The following ORC2 variants were observed in gnomAD, a reference collection of about 807,000 sequenced individuals.
The protein encoded by ORC2 is origin recognition complex protein 2 homolog.
Under a neutral mutation model 77.7 loss-of-function variants are expected in ORC2, and 37 were observed. That is an observed-to-expected ratio of 0.48 (90% CI 0.37 to 0.63). The LOEUF (loss-of-function observed/expected upper bound fraction) is 0.63, where lower values mean the gene tolerates loss of function less well. Ranked by LOEUF, ORC2 falls within the 20% of genes least tolerant of loss-of-function variation. The probability of loss-of-function intolerance (pLI) is 0.00; values close to 1 mark genes in which losing one functional copy is unlikely to be tolerated. For missense variants in ORC2, 557 were observed against 661.9 expected (o/e 0.84, Z 1.74); for synonymous variants, 201 against 229.5 (o/e 0.88, Z 1.12).
chr2:200,956,275 G>A (rs1400480411), intron 4 of ORC2, among the ~76,000 whole-genome samples: 1 of 151,898 alleles, frequency 6.6e-6, no homozygotes, highest in Admixed American at 6.6e-5. Flanking sequence ...TGTTGCCCAG[G>A]CTGGAGTGTA....
intron 11 of ORC2, among the ~76,000 whole-genome samples, chr2:200,930,792 G>C (rs2040926170): frequency 6.6e-6 from 1 of 151,962 alleles, no homozygotes; most frequent in African/African-American, 2.4e-5. Flanking sequence ...ATTCTTCTAG[G>C]TGTTTTAATG....
chr2:200,940,805 A>T (rs1280269183), intron 7 of ORC2, among the ~76,000 whole-genome samples: 1 of 143,890 alleles, frequency 6.9e-6, no homozygotes, highest in South Asian at 2.1e-4. Context: ...CCGTCTCAAA[A>T]ACAAACAAAC....
At chr2:200,923,191 A>C (rs954991577) in intron 13 of ORC2, among the ~76,000 whole-genome samples, 2 of 152,212 alleles carry the variant, frequency 1.3e-5, no homozygotes, top group African/African-American at 4.8e-5. Flanking sequence ...ATACAGGGTT[A>C]GGTTCAATAT....
Position 200,949,611 on chromosome 2 carries a change from C to T in ORC2, c.271G>A (p.Gly91Arg), listed in dbSNP as rs766020970. The T allele has an allele frequency of 2.5e-6, 4 of 1,602,416 alleles. No individual in the cohort carries two copies. Among genetic ancestry groups the T allele is most frequent in the East Asian group, 2.2e-5 (1 of 44,582 alleles). ...TTCTGAAAAGAATAAACTTTATTTCCACCACCTGTAGCAGAGCCATTTTTC... is the reference window on the plus strand; with the variant it reads ...TTCTGAAAAGAATAAACTTTATTTCTACCACCTGTAGCAGAGCCATTTTTC... ...SLKNGSATGG[G>R]NKVYSFQNRK... Residue 91 changes from glycine (G) to arginine (R), a missense_variant, in exon 5 of 18, where the codon GGA becomes AGA. By Grantham distance (125) the Gly-to-Arg change is moderately radical (BLOSUM62 -2). Transcript: ENST00000234296.
chr2:200,956,129 C>A (rs544148961), intron 4 of ORC2, among the ~76,000 whole-genome samples: 25 of 152,320 alleles, frequency 1.6e-4, no homozygotes, highest in African/African-American at 6.0e-4. Flanking sequence ...TATAGTGATG[C>A]AATCACAGCT....
At chr2:200,914,160 A>C (rs62189337) in intron 15 of ORC2, among the ~76,000 whole-genome samples, 168 bp from the exon 16 acceptor site, 1 of 150,956 alleles carries the variant, frequency 6.6e-6, no homozygotes, top group African/African-American at 2.4e-5. Context: ...AAAGCTTTCT[A>C]ATTTCTTTTT....
In ORC2 at chr2:200,963,651, G is replaced by C. The variant is rs1372849554; in HGVS notation, c.-221C>G. ...GGGAGGTAAGGAGCACCGGAGGCCA[G>C]CTGGGGGATGGGAAGCCTGCGTGCG... is the stretch of plus-strand genomic sequence containing the variant. On this transcript the variant is annotated 5_prime_UTR_variant, in exon 1 of 18. Coordinates refer to ENST00000234296, the MANE Select transcript of ORC2 (RefSeq NM_006190.5). The C allele has an allele frequency of 2.5e-6, 1 of 398,298 alleles. No homozygotes were observed. The highest frequency in any genetic ancestry group is 4.4e-6 in the Non-Finnish European group (1 of 226,002). 24.7% of individuals were successfully genotyped at this position (398,298 alleles called of 1,614,324 possible).
intron 11 of ORC2, among the ~76,000 whole-genome samples, chr2:200,927,843 C>T (rs977126491): frequency 6.6e-6 from 1 of 150,964 alleles, no homozygotes; most frequent in African/African-American, 2.4e-5. Context: ...ATTACAGGCG[C>T]CCGCCACCAT....
At chr2:200,945,331 G>A (rs913307915) in intron 5 of ORC2, among the ~76,000 whole-genome samples, 11 of 152,164 alleles carry the variant, frequency 7.2e-5, no homozygotes. Flanking sequence ...CGAGGTGGGT[G>A]GATCACTTGA....
At chr2:200,945,885 C>T (rs970266547) in intron 5 of ORC2, among the ~76,000 whole-genome samples, 3 of 152,098 alleles carry the variant, frequency 2.0e-5, no homozygotes, top group African/African-American at 4.8e-5. Flanking sequence ...GATATCTCTT[C>T]GACATACTCA....
At chr2:200,914,126 T>C (rs1259118914) in intron 15 of ORC2, 134 bp from the exon 16 acceptor site, 1 of 583,572 alleles carries the variant, frequency 1.7e-6, no homozygotes, top group Non-Finnish European at 3.0e-6. Flanking sequence ...CCAAGGAATA[T>C]CATATCCTTG....
rs529117492 is a variant in ORC2, at chr2:200,920,239, G to C, written c.1449C>G (p.Ser483Arg). Reference sequence around the variant, plus strand: ...ATCCTTACCTTGCATTAGGGGTAAGGCTTCGTAAGACATGAGTAAGGGAGC... The same window carrying C: ...ATCCTTACCTTGCATTAGGGGTAAGCCTTCGTAAGACATGAGTAAGGGAGC... ...PLSSLTHVLR[S>R]LTPNARGIFR... Residue 483 changes from serine to arginine, a missense_variant, in exon 15 of 18, where the codon AGC (serine) becomes AGG (arginine). Physicochemically the swap from Ser to Arg is moderately radical, Grantham distance 110. Coordinates refer to ENST00000234296, the MANE Select transcript of ORC2 (RefSeq NM_006190.5). 12 of 1,612,550 alleles carry C rather than the reference G, an allele frequency of 7.4e-6. No individual in the cohort carries two copies. Among genetic ancestry groups the C allele is most frequent in the South Asian group, 2.2e-5 (2 of 90,962 alleles).
At chr2:200,954,490 CTATT>C (rs1385697242) in intron 4 of ORC2, among the ~76,000 whole-genome samples, 1 of 152,102 alleles carries the variant, frequency 6.6e-6, no homozygotes, top group Non-Finnish European at 1.5e-5. Flanking sequence ...TGCAAAAAGT[CTATT>C]TATAAACGTA....
chr2:200,952,141 ATC>A (rs1414685767), intron 4 of ORC2, among the ~76,000 whole-genome samples: 1 of 152,126 alleles, frequency 6.6e-6, no homozygotes, highest in Non-Finnish European at 1.5e-5. Context: ...TCTACAGTAT[ATC>A]TAGTTTTCAT....
intron 1 of ORC2, among the ~76,000 whole-genome samples, chr2:200,962,048 T>C (rs898896617): frequency 6.6e-6 from 1 of 152,248 alleles, no homozygotes; most frequent in Non-Finnish European, 1.5e-5. Context: ...TGTAGCCAAG[T>C]GCATTTATAC....
rs1431488067 is a variant in ORC2, at chr2:200,935,830, C to G, written c.577G>C (p.Gly193Arg). Reference sequence around the variant, plus strand: ...TCCTCTTCATGTTCCTGTGCAACCCCTTCATCATCCTCTGAGTTGGAAGCA... The same window carrying G: ...TCCTCTTCATGTTCCTGTGCAACCCGTTCATCATCCTCTGAGTTGGAAGCA... ...YSASNSEDDE[G>R]VAQEHEEDTN... Residue 193 changes from glycine (G) to arginine (R), a missense_variant, in exon 9 of 18, where the codon GGG becomes CGG. Coordinates refer to ENST00000234296, the MANE Select transcript of ORC2 (RefSeq NM_006190.5). 2 of 1,614,074 alleles carry G rather than the reference C, an allele frequency of 1.2e-6. No homozygotes were observed. The highest frequency in any genetic ancestry group is 2.2e-5 in the East Asian group (1 of 44,872).
chr2:200,942,871 CCT>C (rs2041181676), intron 5 of ORC2, 94 bp from the exon 6 acceptor site: 2 of 611,952 alleles, frequency 3.3e-6, no homozygotes, highest in East Asian at 3.1e-5. Context: ...TCTTTAAAAA[CCT>C]CTGTTACTTT....
rs151231669 is a variant in ORC2, at chr2:200,910,694, T to G, written c.*607A>C. ...TGTTTTTCCCATTATCCCAACTGAA[T>G]AGTATTATAATATATTCCCTCCCCT... On this transcript the variant is annotated 3_prime_UTR_variant, in exon 18 of 18. Transcript: ENST00000234296. 6.6e-6 allele frequency: 1 copy of G among 152,276 alleles called. No homozygotes were observed. The highest frequency in any genetic ancestry group is 2.4e-5 in the African/African-American group (1 of 41,430). The allele number at this position is 152,276 out of a possible 1,614,324, so 9.4% of individuals were successfully genotyped here. A position where few individuals can be genotyped will look rare whatever the true frequency, so the allele number is the denominator to read the frequency against.
chr2:200,917,294 C>G (rs2124934970), intron 15 of ORC2, among the ~76,000 whole-genome samples: 1 of 152,228 alleles, frequency 6.6e-6, no homozygotes, highest in South Asian at 2.1e-4. Flanking sequence ...CGCGCCCAGC[C>G]TGCATATTCC....
Sources: allele counts gnomAD v4.1 joint callset (sites outside exome capture counted in the v4.1 genomes callset), GRCh38; gene constraint gnomAD v4.1.1; transcripts MANE v1.5; gene names NCBI Gene and HGNC (gene_info 2026-07-23, HGNC 2026-07-21).